The following STARD13 variants were observed in gnomAD, a reference collection of about 807,000 sequenced individuals.
STARD13 encodes StAR related lipid transfer domain containing 13.
In STARD13, 62 loss-of-function variants were observed where a neutral mutation model predicts 106.4. The ratio of observed to expected loss-of-function variants is 0.58; its 90% confidence interval spans 0.48 to 0.72. STARD13 has a LOEUF of 0.72. Ranked by LOEUF, STARD13 falls within the 30% of genes least tolerant of loss-of-function variation. The pLI is 0.00. For synonymous variants in STARD13, 565 were observed against 553.0 expected (o/e 1.02, Z -0.31); for missense variants, 1,387 against 1,424.0 (o/e 0.97, Z 0.42).
At chr13:33,443,376 CAAA>C in the STARD13 span, among the ~76,000 whole-genome samples, 21 of 94,764 alleles carry the variant, frequency 2.2e-4, no homozygotes, top group East Asian at 9.2e-4. Context: ...GATTCTGTCT[CAAA>C]AAAAAAAAAA....
chr13:33,306,692 G>A (rs1892917051), intron 1 of STARD13, among the ~76,000 whole-genome samples: 2 of 152,230 alleles, frequency 1.3e-5, no homozygotes, highest in South Asian at 2.1e-4. Flanking sequence ...GCTTACGCCT[G>A]TAATCACAGA....
chr13:33,657,396 A>G, the STARD13 span: 1 of 152,252 alleles, frequency 6.6e-6, no homozygotes, highest in Admixed American at 6.5e-5. Flanking sequence ...CTGTATGTTC[A>G]GTATTGAAGG....
chr13:33,147,275 T>C (rs975751983), intron 3 of STARD13, among the ~76,000 whole-genome samples: 19 of 152,170 alleles, frequency 1.2e-4, no homozygotes, highest in African/African-American at 4.3e-4. Context: ...GAAGGCCAAG[T>C]ACATGTGCAG....
chr13:33,258,914 T>C (rs1237943690), intron 1 of STARD13, among the ~76,000 whole-genome samples: 1 of 152,264 alleles, frequency 6.6e-6, no homozygotes, highest in African/African-American at 2.4e-5. Flanking sequence ...TCTTCAAGTG[T>C]TGTGCCATAC....
the STARD13 span, among the ~76,000 whole-genome samples, chr13:33,578,126 C>T: frequency 5.3e-5 from 8 of 152,040 alleles, no homozygotes; most frequent in African/African-American, 1.9e-4. Context: ...ATACCAACAT[C>T]ATTTTTCACA....
chr13:33,499,322 T>A, the STARD13 span, among the ~76,000 whole-genome samples: 1 of 152,146 alleles, frequency 6.6e-6, no homozygotes, highest in African/African-American at 2.4e-5. Flanking sequence ...CAAAGACTGG[T>A]TGGTTAAATA....
At position 33,192,624 on chromosome 13, in the gene STARD13, C is replaced by T. The variant is rs561034735; in HGVS notation, c.170-25002G>A. ...AAAGGTATTACCATTCCCAGTGGGA[C>T]GCAGTGGCTCATGCCTGTAATCTCA... On this transcript the variant is annotated intron_variant, in intron 1 of 13. Transcript: ENST00000336934. Among the ~76,000 whole-genome samples the T allele has an allele frequency of 1.8e-4, 27 of 152,292 alleles. 1 individual carries two copies. Among genetic ancestry groups the T allele is most frequent in the Admixed American group, 7.2e-4 (11 of 15,292 alleles).
At chr13:33,641,030 T>C in the STARD13 span, among the ~76,000 whole-genome samples, 1 of 152,184 alleles carries the variant, frequency 6.6e-6, no homozygotes, top group African/African-American at 2.4e-5. Context: ...CAACAAAGTA[T>C]GCACAGCCAT....
chr13:33,621,822 T>G, the STARD13 span, among the ~76,000 whole-genome samples: 10 of 151,844 alleles, frequency 6.6e-5, no homozygotes, highest in Admixed American at 2.6e-4. Flanking sequence ...CTTTTTTTTT[T>G]GGACGAAGTC....
the STARD13 span, among the ~76,000 whole-genome samples, chr13:33,623,698 C>T: frequency 1.3e-5 from 2 of 151,706 alleles, no homozygotes; most frequent in African/African-American, 2.4e-5. Flanking sequence ...ATATTATTTA[C>T]ATCTACATCT....
At chr13:33,134,831 C>T (rs1364741060) in intron 4 of STARD13, among the ~76,000 whole-genome samples, 1 of 152,164 alleles carries the variant, frequency 6.6e-6, no homozygotes, top group Admixed American at 6.5e-5. Context: ...CTTCAAAAAT[C>T]AATTACAGGA....
the STARD13 span, among the ~76,000 whole-genome samples, chr13:33,590,957 C>T: frequency 6.6e-6 from 1 of 152,096 alleles, no homozygotes; most frequent in Non-Finnish European, 1.5e-5. Flanking sequence ...TTAAAAGTCT[C>T]CTCGTACTTG....
the STARD13 span, among the ~76,000 whole-genome samples, chr13:33,393,637 G>T: frequency 7.9e-5 from 12 of 152,224 alleles, no homozygotes; most frequent in Non-Finnish European, 1.5e-4. Context: ...CATGATCAGA[G>T]TAATACTCAT....
At chr13:33,221,253 G>A (rs1023834488) in intron 1 of STARD13, among the ~76,000 whole-genome samples, 2 of 151,932 alleles carry the variant, frequency 1.3e-5, no homozygotes, top group Non-Finnish European at 2.9e-5. Context: ...TTCCCTATTC[G>A]CCAGCCCCTG....
At chr13:33,651,422 G>A in the STARD13 span, among the ~76,000 whole-genome samples, 9 of 152,226 alleles carry the variant, frequency 5.9e-5, no homozygotes, top group South Asian at 8.3e-4. Flanking sequence ...TCATCATTCC[G>A]GGTTGCATAG....
At chr13:33,594,342 C>T in the STARD13 span, among the ~76,000 whole-genome samples, 1 of 151,448 alleles carries the variant, frequency 6.6e-6, no homozygotes. Context: ...AGAGGACCAG[C>T]TCTGCCAAGC....
chr13:33,318,314 C>T (rs1893420177), intron 1 of STARD13, among the ~76,000 whole-genome samples: 1 of 152,046 alleles, frequency 6.6e-6, no homozygotes, highest in Non-Finnish European at 1.5e-5. Flanking sequence ...AACAGGATAC[C>T]AAGAAAATTC....
chr13:33,411,018 G>C, the STARD13 span, among the ~76,000 whole-genome samples: 209 of 152,286 alleles, frequency 1.4e-3, 14 homozygotes, highest in Non-Finnish European at 8.8e-4. Flanking sequence ...GTTTTTAAAA[G>C]AAGCTGTTTA....
At chr13:33,556,440 A>G in the STARD13 span, among the ~76,000 whole-genome samples, 2 of 151,802 alleles carry the variant, frequency 1.3e-5, no homozygotes, top group East Asian at 3.9e-4. Flanking sequence ...CACCTTTCCC[A>G]GCTAATTCTT....
Sources: allele counts gnomAD v4.1 joint callset (sites outside exome capture counted in the v4.1 genomes callset), GRCh38; gene constraint gnomAD v4.1.1; transcripts MANE v1.5; gene names NCBI Gene and HGNC (gene_info 2026-07-23, HGNC 2026-07-21).